The following RANBP2 variants were observed in gnomAD, a reference collection of about 807,000 sequenced individuals.
RANBP2 encodes E3 SUMO-protein ligase RanBP2.
Under a neutral mutation model 303.6 loss-of-function variants are expected in RANBP2, and 57 were observed. That is an observed-to-expected ratio of 0.19 (90% CI 0.15 to 0.23). The LOEUF (loss-of-function observed/expected upper bound fraction) is 0.23, where lower values mean the gene tolerates loss of function less well. RANBP2 is among the 10% of genes least tolerant of loss of function. The probability of loss-of-function intolerance (pLI) is 1.00; values close to 1 mark genes in which losing one functional copy is unlikely to be tolerated. For missense variants in RANBP2, 3,138 were observed against 3,780.8 expected (o/e 0.83, Z 4.46); for synonymous variants, 1,167 against 1,301.5 (o/e 0.90, Z 2.23).
the RANBP2 span, among the ~76,000 whole-genome samples, chr2:109,237,187 A>G: frequency 6.6e-6 from 1 of 152,252 alleles, no homozygotes; most frequent in South Asian, 2.1e-4. Flanking sequence ...ACACTCTGTT[A>G]AAAGTGGTTG....
chr2:108,740,523 G>A lies in RANBP2; in HGVS notation c.817G>A (p.Gly273Ser), dbSNP rs1468984595. The change falls in exon 7 of 29, where the codon GGT becomes AGT. Residue 273 changes from glycine to serine, a missense_variant. This residue lies in a region of RANBP2 where 306 missense variants were observed against 381.9 expected (regional missense o/e 0.80). Transcript: ENST00000283195. ...DSALQSVKSL[G>S]GNDELSATFL... is the part of the protein sequence containing the mutation. ...TGCTCTTCAGTCTGTGAAATCTTTGGGTGGAAATGATGAACTGTCAGCTAC... is the reference window on the plus strand; with the variant it reads ...TGCTCTTCAGTCTGTGAAATCTTTGAGTGGAAATGATGAACTGTCAGCTAC... 1 of 1,597,420 alleles carries A rather than the reference G, an allele frequency of 6.3e-7. No homozygotes were observed. Among genetic ancestry groups the A allele is most frequent in the East Asian group, 2.2e-5 (1 of 44,862 alleles).
chr2:109,281,094 C>T, the RANBP2 span, among the ~76,000 whole-genome samples: 9 of 152,204 alleles, frequency 5.9e-5, no homozygotes, highest in African/African-American at 2.2e-4. Flanking sequence ...TGGTTACTTA[C>T]TGCACACCCT....
Position 108,753,851 on chromosome 2 carries a change from T to A in RANBP2, c.2082T>A (p.Ile694=). The A allele has an allele frequency of 6.2e-7, 1 of 1,611,994 alleles. No homozygotes were observed. ...TTTTTCACAGGAAGGCAGAAGACAT[T>A]GAAAATGATGCCCTTTCTCCTGAAG... is the stretch of plus-strand genomic sequence containing the variant. ...ALIFHRKAED[I]ENDALSPEEQ... The change falls in exon 15 of 29, where the codon ATT becomes ATA. Residue 694 remains isoleucine, a synonymous_variant. Coordinates refer to ENST00000283195, the MANE Select transcript of RANBP2 (RefSeq NM_006267.5).
At chr2:109,671,922 G>GTTTTTTTTTTTTTTTTTT in the RANBP2 span, among the ~76,000 whole-genome samples, 1 of 151,936 alleles carries the variant, frequency 6.6e-6, no homozygotes, top group African/African-American at 2.4e-5. Context: ...CTTCCAGTCT[G>GTTTTTTTTTTTTTTTTTT]TTTTTTCTTT....
chr2:109,592,887 A>AT, the RANBP2 span, among the ~76,000 whole-genome samples: 3,816 of 152,308 alleles, frequency 0.025, 175 homozygotes, highest in African/African-American at 0.086. Context: ...TATTCAATCC[A>AT]TCATCGACTT....
At chr2:109,355,817 G>A in the RANBP2 span, among the ~76,000 whole-genome samples, 1 of 152,164 alleles carries the variant, frequency 6.6e-6, no homozygotes, top group Non-Finnish European at 1.5e-5. Context: ...TTGAGGAGGG[G>A]TATTTCTCCA....
chr2:108,909,097 T>A, the RANBP2 span, among the ~76,000 whole-genome samples: 1 of 152,150 alleles, frequency 6.6e-6, no homozygotes, highest in Non-Finnish European at 1.5e-5. Flanking sequence ...AGTGTCAGGG[T>A]TCAATTTGTA....
the RANBP2 span, among the ~76,000 whole-genome samples, chr2:109,455,805 C>CA: frequency 2.6e-5 from 4 of 152,210 alleles, no homozygotes; most frequent in East Asian, 7.7e-4. Context: ...CCAGGTTTAC[C>CA]AGTGCCATTC....
the RANBP2 span, among the ~76,000 whole-genome samples, chr2:109,604,161 CAA>C: frequency 1.0e-4 from 6 of 58,676 alleles, no homozygotes; most frequent in Admixed American, 2.0e-4. Context: ...GACTCTGCCT[CAA>C]AAAAAAAAAA....
chr2:109,477,777 C>T, the RANBP2 span, among the ~76,000 whole-genome samples: 1 of 152,280 alleles, frequency 6.6e-6, no homozygotes, highest in Admixed American at 6.5e-5. Context: ...CTCACCGTGT[C>T]CTCACGTGGT....
chr2:108,798,333 A>T, the RANBP2 span: 10 of 1,410,306 alleles, frequency 7.1e-6, no homozygotes, highest in Non-Finnish European at 9.6e-6. Flanking sequence ...TATTCCTGAA[A>T]ACCACTTGGT....
the RANBP2 span, among the ~76,000 whole-genome samples, chr2:109,028,019 C>T: frequency 6.6e-5 from 10 of 152,312 alleles, no homozygotes; most frequent in East Asian, 5.8e-4. Flanking sequence ...CCTGTAATTC[C>T]AGCACACTGG....
intron 1 of RANBP2, among the ~76,000 whole-genome samples, chr2:108,728,595 T>TGATGATG (rs1694918719): frequency 6.9e-6 from 1 of 145,614 alleles, no homozygotes; most frequent in African/African-American, 2.5e-5. Context: ...CCAGCTTATT[T>TGATGATG]ATGATGATGA....
chr2:108,783,505 G>A (rs1573861194), intron 28 of RANBP2, 91 bp from the exon 29 acceptor site: 1 of 909,476 alleles, frequency 1.1e-6, no homozygotes, highest in Non-Finnish European at 1.7e-6. Flanking sequence ...AACATGTAGT[G>A]ATGAGTTCTG....
Position 108,737,170 on chromosome 2 carries a change from A to G in RANBP2, c.782+921A>G, listed in dbSNP as rs937863442. On this transcript the variant is annotated intron_variant, in intron 6 of 28. Transcript: ENST00000283195. ...CCTAAATTGGTAGGGTAAGAGCAGT[A>G]TCTAAAAGAACTAACATAACTTTAA... Among the ~76,000 whole-genome samples, 4 of 152,210 alleles carry G rather than the reference A, an allele frequency of 2.6e-5. No individual in the cohort carries two copies. In the East Asian group the frequency reaches 7.7e-4, roughly 29 times the overall value.
At chr2:109,144,619 A>G in the RANBP2 span, among the ~76,000 whole-genome samples, 2,233 of 152,378 alleles carry the variant, frequency 0.015, 57 homozygotes, top group African/African-American at 0.049. Flanking sequence ...AATGGCAAAC[A>G]TGAGAAACCC....
the RANBP2 span, among the ~76,000 whole-genome samples, chr2:109,383,103 G>C: frequency 6.6e-6 from 1 of 152,206 alleles, no homozygotes; most frequent in African/African-American, 2.4e-5. Context: ...CTGGCTCCGA[G>C]GCACTTGTCC....
the RANBP2 span, among the ~76,000 whole-genome samples, chr2:109,173,339 C>G: frequency 1.3e-5 from 2 of 152,102 alleles, no homozygotes; most frequent in African/African-American, 4.8e-5. Context: ...GTGCTCTGCC[C>G]GTTATCAACC....
chr2:108,786,683 C>T (rs1220704490), downstream of RANBP2: 3 of 732,538 alleles, frequency 4.1e-6, no homozygotes, highest in South Asian at 5.0e-5. Flanking sequence ...GTCTCCGGGT[C>T]GCCCCGCCCC....
Sources: allele counts gnomAD v4.1 joint callset (sites outside exome capture counted in the v4.1 genomes callset), GRCh38; gene constraint gnomAD v4.1.1; regional missense constraint gnomAD v4.1.1; transcripts MANE v1.5; gene names NCBI Gene and HGNC (gene_info 2026-07-23, HGNC 2026-07-21).